Variants in CHODL observed in about 807,000 individuals in gnomAD.
CHODL encodes the protein transmembrane protein MT75.
CHODL carries 29 observed loss-of-function variants against 34.5 expected under a neutral mutation model. That is an observed-to-expected ratio of 0.84 (90% CI 0.63 to 1.15). The LOEUF is 1.15. Among genes scored for constraint, CHODL ranks in the 50% most tolerant of loss-of-function variants. CHODL has a pLI of 0.00. For synonymous variants in CHODL, 125 were observed against 116.1 expected (o/e 1.08, Z -0.49); for missense variants, 332 against 332.5 (o/e 1.00, Z 0.01).
At chr21:18,010,320 A>AAAAG (rs2064006396) in intron 1 of CHODL, among the ~76,000 whole-genome samples, 1 of 144,900 alleles carries the variant, frequency 6.9e-6, no homozygotes, top group Non-Finnish European at 1.5e-5. Flanking sequence ...AAAAAAAAAA[A>AAAAG]AAGAAGAAAA....
chr21:18,143,372 T>A (rs1215294260), intron 2 of CHODL, among the ~76,000 whole-genome samples: 1 of 152,174 alleles, frequency 6.6e-6, no homozygotes, highest in African/African-American at 2.4e-5. Context: ...TTTAACACCA[T>A]AAATAATAAA....
chr21:17,965,596 A>G (rs2063565662), intron 1 of CHODL, among the ~76,000 whole-genome samples: 1 of 151,876 alleles, frequency 6.6e-6, no homozygotes, highest in East Asian at 1.9e-4. Flanking sequence ...ACGTGTTTAT[A>G]CTCTTATAAT....
At chr21:17,956,681 C>G (rs1173351103) in intron 1 of CHODL, among the ~76,000 whole-genome samples, 1 of 136,042 alleles carries the variant, frequency 7.4e-6, no homozygotes, top group Admixed American at 7.3e-5. Context: ...AGAGAGCTAT[C>G]TTCTCACTGT....
chr21:18,012,176 G>A (rs527822457), intron 1 of CHODL, among the ~76,000 whole-genome samples: 33 of 152,298 alleles, frequency 2.2e-4, no homozygotes, highest in African/African-American at 7.9e-4. Flanking sequence ...GTGAGTGTTT[G>A]GGCATTCAGC....
chr21:18,257,416 A>G (rs550283130), intron 3 of CHODL, among the ~76,000 whole-genome samples: 1 of 152,314 alleles, frequency 6.6e-6, no homozygotes, highest in South Asian at 2.1e-4. Flanking sequence ...TAGATTTTAT[A>G]AACAATAAAT....
At chr21:18,145,431 C>A (rs1435971766) in intron 2 of CHODL, among the ~76,000 whole-genome samples, 2 of 97,706 alleles carry the variant, frequency 2.0e-5, no homozygotes, top group African/African-American at 5.6e-5. Context: ...GTGAGACTAC[C>A]TTTCAAAAAA....
intron 2 of CHODL, among the ~76,000 whole-genome samples, chr21:18,094,126 A>C (rs930785679): frequency 1.3e-5 from 2 of 152,188 alleles, no homozygotes; most frequent in African/African-American, 2.4e-5. Flanking sequence ...GAGACAAAAA[A>C]GGTCACTATA....
chr21:17,974,713 G>A (rs1366588358), intron 1 of CHODL, among the ~76,000 whole-genome samples: 1 of 151,780 alleles, frequency 6.6e-6, no homozygotes, highest in African/African-American at 2.4e-5. Flanking sequence ...ATTTTATATT[G>A]TATAGTATAA....
intron 2 of CHODL, among the ~76,000 whole-genome samples, chr21:18,107,126 A>G (rs992449677): frequency 1.3e-5 from 2 of 152,204 alleles, no homozygotes; most frequent in Non-Finnish European, 2.9e-5. Context: ...AAATAGGGGT[A>G]ATGAGTTCTT....
chr21:18,244,210 T>C (rs1042434867), upstream of CHODL, among the ~76,000 whole-genome samples: 1 of 152,208 alleles, frequency 6.6e-6, no homozygotes, highest in Non-Finnish European at 1.5e-5. Flanking sequence ...TTCCCAAGAA[T>C]TCAGAATGCC....
chr21:18,060,209 C>A (rs13046356), intron 2 of CHODL, among the ~76,000 whole-genome samples: 260 of 152,218 alleles, frequency 1.7e-3, no homozygotes, highest in African/African-American at 6.1e-3. Flanking sequence ...AATCCCAGAA[C>A]TTTGGGAGAC....
At chr21:18,247,446 A>C (rs2406171) in intron 1 of CHODL, among the ~76,000 whole-genome samples, 10,706 of 152,170 alleles carry the variant, frequency 0.07, 1,234 homozygotes, top group African/African-American at 0.24. Context: ...CATAAATTAT[A>C]TTTAATACCT....
intron 2 of CHODL, among the ~76,000 whole-genome samples, chr21:18,160,489 C>T (rs925317654): frequency 1.3e-5 from 2 of 152,018 alleles, no homozygotes; most frequent in Admixed American, 6.6e-5. Context: ...TCCTCCTCCT[C>T]CCACCCTCCC....
chr21:18,013,635 C>CTGTTTTTTTTTT (rs2064040705), intron 1 of CHODL, among the ~76,000 whole-genome samples: 2 of 71,896 alleles, frequency 2.8e-5, no homozygotes, highest in Non-Finnish European at 2.5e-5. Context: ...GCTGCTGCTG[C>CTGTTTTTTTTTT]TTTTTTTTTT....
intron 2 of CHODL, among the ~76,000 whole-genome samples, chr21:18,035,129 G>A (rs1160889969): frequency 6.6e-6 from 1 of 151,916 alleles, no homozygotes; most frequent in African/African-American, 2.4e-5. Context: ...ATATATGTCT[G>A]TATGTTTACT....
intron 1 of CHODL, among the ~76,000 whole-genome samples, chr21:17,949,864 G>A (rs1328272555): frequency 6.6e-6 from 1 of 152,104 alleles, no homozygotes; most frequent in Admixed American, 6.6e-5. Context: ...GGGGGAGGAG[G>A]AAAGTAAAGA....
intron 2 of CHODL, among the ~76,000 whole-genome samples, chr21:18,148,910 A>C (rs893935878): frequency 5.7e-4 from 84 of 148,492 alleles, no homozygotes; most frequent in Non-Finnish European, 9.4e-4. Context: ...GGTCTGATGG[A>C]GCCCTTTTTT....
chr21:18,025,222 T>G (rs2064163034), intron 1 of CHODL, among the ~76,000 whole-genome samples: 1 of 152,158 alleles, frequency 6.6e-6, no homozygotes. Context: ...AATTATCAAA[T>G]AAAATGCTAA....
At chr21:18,243,090 C>A (rs1454979162), upstream of CHODL, among the ~76,000 whole-genome samples, 1 of 152,190 alleles carries the variant, frequency 6.6e-6, no homozygotes, top group Non-Finnish European at 1.5e-5. Context: ...ATGGGTATCA[C>A]CACCATCAAC....
Sources: allele counts gnomAD v4.1 joint callset (sites outside exome capture counted in the v4.1 genomes callset), GRCh38; gene constraint gnomAD v4.1.1; transcripts MANE v1.5; gene names NCBI Gene and HGNC (gene_info 2026-07-23, HGNC 2026-07-21).